Variants in AGBL4 observed in about 807,000 individuals in gnomAD.
AGBL4 encodes cytosolic carboxypeptidase 6.
In AGBL4, 58 loss-of-function variants were observed where a neutral mutation model predicts 66.4. That is an observed-to-expected ratio of 0.87 (90% CI 0.71 to 1.09). The LOEUF (loss-of-function observed/expected upper bound fraction) is 1.09, where lower values mean the gene tolerates loss of function less well. AGBL4 is among the 50% of genes least tolerant of loss of function. The pLI is 0.00. For missense variants in AGBL4, 579 were observed against 631.0 expected (o/e 0.92, Z 0.88); for synonymous variants, 234 against 222.9 (o/e 1.05, Z -0.44).
chr1:49,669,129 A>G (rs2124518005), intron 3 of AGBL4, among the ~76,000 whole-genome samples: 1 of 152,320 alleles, frequency 6.6e-6, no homozygotes, highest in East Asian at 1.9e-4. Flanking sequence ...ATGGAAAATG[A>G]AAAGAAAATG....
At chr1:49,903,900 A>G (rs1367797769) in intron 1 of AGBL4, among the ~76,000 whole-genome samples, 1 of 152,154 alleles carries the variant, frequency 6.6e-6, no homozygotes, top group African/African-American at 2.4e-5. Flanking sequence ...AAGAAATAAG[A>G]GGGAAACAAT....
chr1:49,717,615 C>T (rs1415259873), intron 2 of AGBL4, among the ~76,000 whole-genome samples: 1 of 152,040 alleles, frequency 6.6e-6, no homozygotes, highest in Non-Finnish European at 1.5e-5. Flanking sequence ...GCACTCACTA[C>T]ATCGAAGTAT....
chr1:49,229,498 C>T (rs1000534332), intron 4 of AGBL4, among the ~76,000 whole-genome samples: 2 of 152,148 alleles, frequency 1.3e-5, no homozygotes, highest in Admixed American at 6.6e-5. Context: ...GTAAGAACCA[C>T]GCAGGTTCTC....
intron 3 of AGBL4, among the ~76,000 whole-genome samples, chr1:49,447,506 C>T (rs1383136542): frequency 6.6e-6 from 1 of 152,082 alleles, no homozygotes; most frequent in Non-Finnish European, 1.5e-5. Context: ...CTTATGATGC[C>T]TGCACTCCCA....
chr1:49,408,396 C>G (rs1382540045), intron 3 of AGBL4, among the ~76,000 whole-genome samples: 1 of 152,136 alleles, frequency 6.6e-6, no homozygotes. Context: ...TCTCACACTA[C>G]CCTTGTGTGA....
At chr1:49,709,426 C>G (rs1292609128) in intron 2 of AGBL4, among the ~76,000 whole-genome samples, 1 of 152,156 alleles carries the variant, frequency 6.6e-6, no homozygotes, top group African/African-American at 2.4e-5. Context: ...TCAAGTGTCC[C>G]AGGACAACTT....
At chr1:48,737,687 T>C (rs910917569) in intron 6 of AGBL4, among the ~76,000 whole-genome samples, 25 of 152,202 alleles carry the variant, frequency 1.6e-4, no homozygotes, top group African/African-American at 5.8e-4. Flanking sequence ...CAATAAGCTA[T>C]AAGATTTTAA....
intron 3 of AGBL4, among the ~76,000 whole-genome samples, chr1:49,409,197 A>G (rs76821130): frequency 0.014 from 2,041 of 148,246 alleles, 53 homozygotes; most frequent in African/African-American, 0.048. Context: ...CTGGCAAACT[A>G]ATGAAATTGA....
chr1:49,004,649 A>G (rs1356091877), intron 5 of AGBL4, among the ~76,000 whole-genome samples: 1 of 152,214 alleles, frequency 6.6e-6, no homozygotes, highest in Admixed American at 6.5e-5. Context: ...TACTAGGCAT[A>G]AAATGCTGGA....
chr1:48,907,616 C>T (rs1000572159), intron 5 of AGBL4, among the ~76,000 whole-genome samples: 1 of 152,106 alleles, frequency 6.6e-6, no homozygotes, highest in Non-Finnish European at 1.5e-5. Flanking sequence ...AGGTCCTCAC[C>T]CTGAAATGAT....
At chr1:49,366,074 T>C (rs1272757807) in intron 3 of AGBL4, among the ~76,000 whole-genome samples, 1 of 152,148 alleles carries the variant, frequency 6.6e-6, no homozygotes, top group Non-Finnish European at 1.5e-5. Context: ...CCCTACTTCC[T>C]TCTCCAGCAG....
At chr1:48,597,712 A>C in intron 9 of AGBL4, among the ~76,000 whole-genome samples, 1 of 108,954 alleles carries the variant, frequency 9.2e-6, no homozygotes, top group South Asian at 3.6e-4. Context: ...GGAGGGGAGG[A>C]GAGAGGAGGG....
chr1:48,876,255 G>A (rs1355381195), intron 5 of AGBL4, among the ~76,000 whole-genome samples: 4 of 152,238 alleles, frequency 2.6e-5, no homozygotes, highest in East Asian at 3.9e-4. Context: ...CAGAAACCTC[G>A]ATCAAGTTCC....
At chr1:49,515,302 G>A (rs901327277) in intron 3 of AGBL4, among the ~76,000 whole-genome samples, 5 of 152,074 alleles carry the variant, frequency 3.3e-5, no homozygotes, top group African/African-American at 1.2e-4. Flanking sequence ...CATCATCACT[G>A]GCCATCACAG....
At chr1:49,682,899 A>G (rs1646722429) in intron 3 of AGBL4, among the ~76,000 whole-genome samples, 1 of 152,236 alleles carries the variant, frequency 6.6e-6, no homozygotes, top group African/African-American at 2.4e-5. Context: ...TGGTATATTA[A>G]GTGCTATGAT....
At chr1:49,655,763 A>G (rs1646114117) in intron 3 of AGBL4, among the ~76,000 whole-genome samples, 1 of 152,226 alleles carries the variant, frequency 6.6e-6, no homozygotes, top group African/African-American at 2.4e-5. Flanking sequence ...TGAATCCAGG[A>G]GCTGGTTTTT....
At chr1:49,614,386 C>T (rs537157212) in intron 3 of AGBL4, among the ~76,000 whole-genome samples, 1 of 152,174 alleles carries the variant, frequency 6.6e-6, no homozygotes, top group East Asian at 1.9e-4. Flanking sequence ...TAGTTACTTA[C>T]AGTTCACTCA....
intron 1 of AGBL4, among the ~76,000 whole-genome samples, chr1:49,862,686 C>T (rs1382994465): frequency 2.0e-5 from 3 of 152,142 alleles, no homozygotes. Flanking sequence ...TTCAATACAC[C>T]TGGCGGCAGA....
intron 6 of AGBL4, among the ~76,000 whole-genome samples, chr1:48,846,208 T>C (rs1230573106): frequency 6.6e-6 from 1 of 152,064 alleles, no homozygotes. Flanking sequence ...AAGGTAACCA[T>C]TTGTACTTTA....
Sources: gnomAD v4.1 joint callset for allele counts (sites outside exome capture counted in the v4.1 genomes callset) on GRCh38, gnomAD v4.1.1 for gene constraint, MANE v1.5 for transcripts, NCBI Gene and HGNC (gene_info 2026-07-23, HGNC 2026-07-21) for gene names.